Variants in SSBP2 observed in about 807,000 individuals in gnomAD.
SSBP2 encodes single-stranded DNA-binding protein 2.
Under a neutral mutation model 61.8 loss-of-function variants are expected in SSBP2, and 17 were observed. The ratio of observed to expected loss-of-function variants is 0.28; its 90% confidence interval spans 0.19 to 0.41. SSBP2 has a LOEUF of 0.41. SSBP2 is among the 10% of genes least tolerant of loss of function. SSBP2 has a pLI of 1.00. For synonymous variants in SSBP2, 139 were observed against 141.3 expected (o/e 0.98, Z 0.12); for missense variants, 310 against 458.7 (o/e 0.68, Z 2.96).
chr5:81,608,599 A>G (rs1202635344), intron 4 of SSBP2, among the ~76,000 whole-genome samples: 3 of 152,212 alleles, frequency 2.0e-5, no homozygotes, highest in Non-Finnish European at 1.5e-5. Flanking sequence ...ACATGTCCTT[A>G]ACTTCTCCAG....
At chr5:81,549,123 A>G (rs749622013) in intron 4 of SSBP2, among the ~76,000 whole-genome samples, 21 of 152,326 alleles carry the variant, frequency 1.4e-4, no homozygotes, top group Non-Finnish European at 2.5e-4. Flanking sequence ...TAAAAATGTT[A>G]AATTTCCAAA....
At chr5:81,729,293 G>A (rs1050979700) in intron 1 of SSBP2, among the ~76,000 whole-genome samples, 11 of 152,036 alleles carry the variant, frequency 7.2e-5, no homozygotes, top group Admixed American at 5.2e-4. Flanking sequence ...CTTCAAATAG[G>A]TTGGCTTCTC....
intron 3 of SSBP2, among the ~76,000 whole-genome samples, chr5:81,633,099 A>G (rs1423579028): frequency 2.3e-5 from 3 of 128,298 alleles, no homozygotes; most frequent in Admixed American, 8.0e-5. Context: ...TTTTTAGCTG[A>G]GCCTCTGTCT....
intron 4 of SSBP2, among the ~76,000 whole-genome samples, chr5:81,541,315 A>C (rs1212853140): frequency 2.6e-5 from 4 of 152,236 alleles, no homozygotes; most frequent in African/African-American, 9.6e-5. Flanking sequence ...AGATTGGAAG[A>C]ATCAATATTA....
At chr5:81,537,170 T>C (rs1388159066) in intron 4 of SSBP2, among the ~76,000 whole-genome samples, 1 of 152,194 alleles carries the variant, frequency 6.6e-6, no homozygotes, top group Non-Finnish European at 1.5e-5. Flanking sequence ...TGGGCTTGTC[T>C]GACTTTATTG....
rs920484090 is a variant in SSBP2 at position 81,419,208 on chromosome 5, C to T, written c.*1296G>A. ...AGTCAGTTACACAATGTAGTTTTAG[C>T]CTGCTGAAGTCAATGGCTAGATAAA... is the stretch of plus-strand genomic sequence containing the variant. On this transcript the variant is annotated 3_prime_UTR_variant, in exon 17 of 17. Transcript: ENST00000320672. 1 of 152,198 alleles carries T rather than the reference C, an allele frequency of 6.6e-6. No homozygotes were observed. The highest frequency in any genetic ancestry group is 1.5e-5 in the Non-Finnish European group (1 of 68,034). 9.4% of individuals were successfully genotyped at this position (152,198 alleles called of 1,614,324 possible). A position where few individuals can be genotyped will look rare whatever the true frequency, so the allele number is the denominator to read the frequency against.
At chr5:81,716,079 C>CA (rs200078117) in intron 1 of SSBP2, among the ~76,000 whole-genome samples, 68 of 146,454 alleles carry the variant, frequency 4.6e-4, no homozygotes, top group South Asian at 6.4e-4. Flanking sequence ...ACAACAACAA[C>CA]AAAAAAAAAA....
At chr5:81,612,572 C>A (rs928460026) in intron 4 of SSBP2, among the ~76,000 whole-genome samples, 13 of 151,882 alleles carry the variant, frequency 8.6e-5, no homozygotes, top group Admixed American at 7.9e-4. Context: ...CTCATTATGC[C>A]TCCAGTATTT....
chr5:81,614,416 T>C (rs961566459), intron 4 of SSBP2, among the ~76,000 whole-genome samples: 2 of 151,270 alleles, frequency 1.3e-5, no homozygotes, highest in Non-Finnish European at 2.9e-5. Context: ...AGCCAAGATT[T>C]TCACTTCCCG....
chr5:81,713,079 G>C (rs1481679560), intron 1 of SSBP2, among the ~76,000 whole-genome samples: 1 of 151,918 alleles, frequency 6.6e-6, no homozygotes, highest in Non-Finnish European at 1.5e-5. Flanking sequence ...GAGTCCACCA[G>C]ATGAAACAAC....
chr5:81,684,609 T>C (rs938873622), intron 1 of SSBP2, among the ~76,000 whole-genome samples: 3 of 152,204 alleles, frequency 2.0e-5, no homozygotes, highest in Admixed American at 2.0e-4. Context: ...ACTGCCCTAC[T>C]GGGTTTTATA....
intron 5 of SSBP2, among the ~76,000 whole-genome samples, chr5:81,510,197 A>G (rs2154080168): frequency 6.6e-6 from 1 of 152,204 alleles, no homozygotes; most frequent in Non-Finnish European, 1.5e-5. Flanking sequence ...CTAGACCTCA[A>G]ACCTAGGACA....
At chr5:81,427,357 T>C (rs953281963) in intron 16 of SSBP2, among the ~76,000 whole-genome samples, 5 of 152,050 alleles carry the variant, frequency 3.3e-5, no homozygotes, top group Admixed American at 3.3e-4. Flanking sequence ...ACATAAAAAA[T>C]TATTTGTCCT....
Position 81,446,676 on chromosome 5 carries a change from T to C in SSBP2, c.778+192A>G, listed in dbSNP as rs532460372. On this transcript the variant is annotated intron_variant, in intron 12 of 16. Transcript: ENST00000320672. ...CTAATTAAATCTGACACCCACACCA[T>C]AGGAATTTTCTAAATGCTTAACTGG... 7.9e-5 allele frequency among the ~76,000 whole-genome samples: 12 copies of C among 152,294 alleles called. No homozygotes were observed. In the South Asian group the frequency reaches 2.5e-3, roughly 32 times the overall value.
intron 1 of SSBP2, among the ~76,000 whole-genome samples, chr5:81,668,248 T>TAAAAAAAAAA (rs11332987): frequency 1.1e-5 from 1 of 94,902 alleles, no homozygotes; most frequent in Non-Finnish European, 2.0e-5. Context: ...TATGGAAGTT[T>TAAAAAAAAAA]AAAAAAAAAA....
intron 15 of SSBP2, among the ~76,000 whole-genome samples, chr5:81,431,756 T>A (rs1461077683): frequency 6.6e-5 from 10 of 152,112 alleles, no homozygotes; most frequent in Non-Finnish European, 1.5e-4. Flanking sequence ...GGCTAATTTT[T>A]AAAATGTTCT....
At chr5:81,440,458 GTAGC>G (rs1762958560) in intron 14 of SSBP2, 96 bp downstream of exon 14, 1 of 912,716 alleles carries the variant, frequency 1.1e-6, no homozygotes, top group Middle Eastern at 2.2e-4. Context: ...TTAAAAATGA[GTAGC>G]TGGCTATGGA....
At chr5:81,471,787 AC>A in intron 8 of SSBP2, among the ~76,000 whole-genome samples, 1 of 151,952 alleles carries the variant, frequency 6.6e-6, no homozygotes, top group South Asian at 2.1e-4. Context: ...TTTACGTGAC[AC>A]CATTTGTTCC....
At chr5:81,747,897 C>A (rs940923329) in intron 1 of SSBP2, among the ~76,000 whole-genome samples, 4 of 152,146 alleles carry the variant, frequency 2.6e-5, no homozygotes, top group East Asian at 1.9e-4. Flanking sequence ...AATCCCACCT[C>A]CCTCCAAGGG....
Sources: allele counts gnomAD v4.1 joint callset (sites outside exome capture counted in the v4.1 genomes callset), GRCh38; gene constraint gnomAD v4.1.1; transcripts MANE v1.5; gene names NCBI Gene and HGNC (gene_info 2026-07-23, HGNC 2026-07-21).